Variants in MAGI1 observed in about 807,000 individuals in gnomAD.
MAGI1 encodes the protein membrane-associated guanylate kinase, WW and PDZ domain-containing protein 1.
In MAGI1, 58 loss-of-function variants were observed where a neutral mutation model predicts 139.9. The ratio of observed to expected loss-of-function variants is 0.41; its 90% CI spans 0.34 to 0.52. The LOEUF is 0.52. Among genes scored for constraint, MAGI1 ranks in the 20% least tolerant of loss-of-function variants. MAGI1 has a pLI of 0.12. For synonymous variants in MAGI1, 812 were observed against 737.9 expected (o/e 1.10, Z -1.63); for missense variants, 1,874 against 1,901.6 (o/e 0.99, Z 0.27).
chr3:65,591,298 T>C (rs576175395), intron 2 of MAGI1, among the ~76,000 whole-genome samples: 8 of 152,272 alleles, frequency 5.3e-5, no homozygotes, highest in African/African-American at 1.4e-4. Flanking sequence ...CAGTTGTTCA[T>C]GTTAAAAAGC....
intron 1 of MAGI1, among the ~76,000 whole-genome samples, chr3:66,018,871 T>C (rs939849438): frequency 2.6e-5 from 4 of 152,210 alleles, no homozygotes; most frequent in Non-Finnish European, 5.9e-5. Flanking sequence ...GCTCTTCCCT[T>C]TGGGAAGCCA....
chr3:66,016,914 T>C (rs1322994985), intron 1 of MAGI1, among the ~76,000 whole-genome samples: 2 of 152,266 alleles, frequency 1.3e-5, no homozygotes, highest in East Asian at 1.9e-4. Context: ...CACTGTACGA[T>C]TTCACTTTTA....
chr3:65,565,811 C>T (rs2080591204), intron 2 of MAGI1, among the ~76,000 whole-genome samples: 1 of 141,932 alleles, frequency 7.0e-6, no homozygotes, highest in Non-Finnish European at 1.5e-5. Flanking sequence ...GAGCCACGAT[C>T]GCATCACTGC....
intron 22 of MAGI1, among the ~76,000 whole-genome samples, chr3:65,357,763 T>TA (rs1162424378): frequency 1.4e-4 from 21 of 151,978 alleles, no homozygotes; most frequent in East Asian, 9.7e-4. Context: ...TACTTCTATT[T>TA]AAAAAAAATC....
rs62255274 is a variant in MAGI1 at position 65,470,479 on chromosome 3, A to T, written c.763T>A (p.Ser255Thr). ...AGAGTGTGCTCCTCTTGTTCACCAG[A>T]ATCGGCTGCTTAATCATGTGAAGAG... ...PEMNSSFTADSGEQEEHTLQE... is the reference protein window; with the variant it reads ...PEMNSSFTADTGEQEEHTLQE... Residue 255 changes from serine to threonine, a missense_variant, in exon 5 of 23, where the codon TCT becomes ACT. Coordinates refer to ENST00000402939, the MANE Select transcript of MAGI1 (RefSeq NM_001033057.2). 10,281 of 1,611,850 alleles carry T rather than the reference A, an allele frequency of 6.4e-3. 62 individuals carry two copies. Among genetic ancestry groups the T allele is most frequent in the Non-Finnish European group, 7.9e-3 (9,283 of 1,178,578 alleles).
At chr3:65,768,043 GT>G (rs1040471673) in intron 1 of MAGI1, among the ~76,000 whole-genome samples, 1 of 152,162 alleles carries the variant, frequency 6.6e-6, no homozygotes, top group African/African-American at 2.4e-5. Flanking sequence ...AACTTAATTT[GT>G]TGAAATTTTG....
chr3:65,634,292 C>A (rs2084478372), intron 1 of MAGI1, among the ~76,000 whole-genome samples: 1 of 152,174 alleles, frequency 6.6e-6, no homozygotes. Context: ...AAGCAAAAAA[C>A]CAACACATAT....
chr3:65,575,352 G>A (rs562272504), intron 2 of MAGI1, among the ~76,000 whole-genome samples: 29 of 151,972 alleles, frequency 1.9e-4, no homozygotes, highest in Non-Finnish European at 3.5e-4. Flanking sequence ...TATTAGAAAG[G>A]TTAAAGTTAA....
Position 65,356,778 on chromosome 3 carries a change from G to A in MAGI1, c.3989C>T (p.Thr1330Ile), listed in dbSNP as rs148072697. 6.3e-5 allele frequency: 101 copies of A among 1,607,742 alleles called. No homozygotes were observed. The highest frequency in any genetic ancestry group is 5.4e-4 in the African/African-American group (40 of 74,632). ...RRSPEKRREG[T>I]RSADNTLERR... is the part of the protein sequence containing the mutation. ...CTCCAAAGTGTTGTCGGCGCTGCGG[G>A]TGCCCTCCCTCCGCTTCTCTGGGGA... Residue 1330 changes from threonine to isoleucine, a missense_variant, in exon 23 of 23, where the codon ACC becomes ATC. Physicochemically the swap from Thr to Ile is moderately conservative, Grantham distance 89. Coordinates refer to ENST00000402939, the MANE Select transcript of MAGI1 (RefSeq NM_001033057.2).
intron 1 of MAGI1, among the ~76,000 whole-genome samples, chr3:65,848,579 C>CTTTTT (rs5849700): frequency 6.8e-6 from 1 of 147,296 alleles, no homozygotes; most frequent in Non-Finnish European, 1.5e-5. Flanking sequence ...AAGTTGTATT[C>CTTTTT]TTTTTTTTTT....
intron 1 of MAGI1, among the ~76,000 whole-genome samples, chr3:65,842,195 C>T (rs1242138119): frequency 6.6e-6 from 1 of 152,094 alleles, no homozygotes; most frequent in African/African-American, 2.4e-5. Context: ...ATCTTCTCTC[C>T]TGGGTGTCTA....
At chr3:65,999,926 T>C (rs1329982693) in intron 1 of MAGI1, among the ~76,000 whole-genome samples, 1 of 151,396 alleles carries the variant, frequency 6.6e-6, no homozygotes, top group Admixed American at 6.6e-5. Flanking sequence ...GGTAACCATA[T>C]CTTGAGAAAA....
intron 2 of MAGI1, among the ~76,000 whole-genome samples, chr3:65,599,586 A>G (rs1048454847): frequency 1.3e-5 from 2 of 152,194 alleles, no homozygotes; most frequent in Non-Finnish European, 2.9e-5. Context: ...AAAATGGAAC[A>G]AAAACTCTCT....
At chr3:65,581,478 T>C (rs2081420948) in intron 2 of MAGI1, among the ~76,000 whole-genome samples, 1 of 152,146 alleles carries the variant, frequency 6.6e-6, no homozygotes, top group African/African-American at 2.4e-5. Flanking sequence ...TTTAACTTCA[T>C]CTTCTAGTAC....
At chr3:65,368,175 A>G (rs1421328092) in intron 18 of MAGI1, among the ~76,000 whole-genome samples, 1 of 152,198 alleles carries the variant, frequency 6.6e-6, no homozygotes, top group Non-Finnish European at 1.5e-5. Flanking sequence ...AAAATATAAA[A>G]GAAGGGCCTG....
intron 1 of MAGI1, among the ~76,000 whole-genome samples, chr3:65,853,534 A>G (rs1479595098): frequency 3.9e-5 from 6 of 152,164 alleles, no homozygotes; most frequent in Non-Finnish European, 8.8e-5. Context: ...GGAAGTTGGA[A>G]TGTATCAAAA....
At chr3:65,384,931 T>G (rs1477425621) in intron 14 of MAGI1, among the ~76,000 whole-genome samples, 1 of 152,036 alleles carries the variant, frequency 6.6e-6, no homozygotes, top group African/African-American at 2.4e-5. Context: ...ACTGTACAAA[T>G]TTTATTAGGA....
intron 1 of MAGI1, among the ~76,000 whole-genome samples, chr3:65,865,623 T>C (rs2059698397): frequency 6.6e-6 from 1 of 151,982 alleles, no homozygotes. Flanking sequence ...AATAAGCACT[T>C]TGCAAGTGTT....
At chr3:65,906,202 G>C (rs2061426685) in intron 1 of MAGI1, among the ~76,000 whole-genome samples, 1 of 152,146 alleles carries the variant, frequency 6.6e-6, no homozygotes, top group South Asian at 2.1e-4. Context: ...GACTAAACTA[G>C]GAAAGGGAGA....
Sources: allele counts gnomAD v4.1 joint callset (sites outside exome capture counted in the v4.1 genomes callset), GRCh38; gene constraint gnomAD v4.1.1; transcripts MANE v1.5; gene names NCBI Gene and HGNC (gene_info 2026-07-23, HGNC 2026-07-21).